Variants in PHC2 observed in about 807,000 individuals in gnomAD.
PHC2 encodes the protein polyhomeotic-like protein 2.
In PHC2, 29 loss-of-function variants were observed where a neutral mutation model predicts 87.4. That is an observed-to-expected ratio of 0.33 (90% CI 0.25 to 0.45). The LOEUF (loss-of-function observed/expected upper bound fraction) is 0.45. PHC2 is among the 20% of genes least tolerant of loss of function. The probability of loss-of-function intolerance (pLI) is 1.00; values close to 1 mark genes in which losing one functional copy is unlikely to be tolerated. For missense variants in PHC2, 857 were observed against 1,136.7 expected, an observed-to-expected ratio of 0.75 and a Z score of 3.54; for synonymous variants, 438 against 461.7, an observed-to-expected ratio of 0.95 and a Z score of 0.66.
intron 9 of PHC2, among the ~76,000 whole-genome samples, chr1:33,342,519 T>TCCCCCCCCCCCCCCCCCTCC (rs1646763410): frequency 9.1e-6 from 1 of 110,490 alleles, no homozygotes; most frequent in Non-Finnish European, 1.9e-5. Context: ...ACAGCCACCC[T>TCCCCCCCCCCCCCCCCCTCC]CCCCCCACCC....
chr1:33,424,334 T>C (rs1283000630), intron 1 of PHC2, among the ~76,000 whole-genome samples: 1 of 152,166 alleles, frequency 6.6e-6, no homozygotes, highest in Non-Finnish European at 1.5e-5. Flanking sequence ...TACCCATGGT[T>C]TCTACATCTT....
intron 1 of PHC2, among the ~76,000 whole-genome samples, chr1:33,424,920 G>C (rs990544167): frequency 4.6e-5 from 7 of 152,206 alleles, no homozygotes; most frequent in Non-Finnish European, 7.3e-5. Context: ...TGGGTGATCA[G>C]AGGTCAGGAC....
chr1:33,371,206 G>A, intron 3 of PHC2, 112 bp from the exon 4 acceptor site: 2 of 839,340 alleles, frequency 2.4e-6, no homozygotes, highest in Non-Finnish European at 4.0e-6. Flanking sequence ...AACAGCCTCT[G>A]GAGGTCAGCC....
chr1:33,386,663 TA>T (rs1648769632), intron 1 of PHC2, among the ~76,000 whole-genome samples: 1 of 152,052 alleles, frequency 6.6e-6, no homozygotes, highest in African/African-American at 2.4e-5. Flanking sequence ...GACCTCATCT[TA>T]AAAACAAAAT....
chr1:33,334,426 C>G lies in PHC2; in HGVS notation c.1559-134G>C. 2 of 719,908 alleles carry G rather than the reference C, an allele frequency of 2.8e-6. No individual in the cohort carries two copies. The highest frequency in any genetic ancestry group is 4.7e-6 in the Non-Finnish European group (2 of 427,950). The allele number at this position is 719,908 out of a possible 1,614,324, so 44.6% of individuals were successfully genotyped here. A position where few individuals can be genotyped will look rare whatever the true frequency, so the allele number is the denominator to read the frequency against. ...AAGCGACAATGCAAACCAAGCAGTCCCCTCCCCTCAGTGACCCATTTAAAA... is the reference window on the plus strand; with the variant it reads ...AAGCGACAATGCAAACCAAGCAGTCGCCTCCCCTCAGTGACCCATTTAAAA... On this transcript the variant is annotated intron_variant, in intron 9 of 14. Transcript: ENST00000683057. This position sits in a 1 kb window ranked among gnomAD's most constrained non-coding sequence, Gnocchi z 5.5.
At chr1:33,356,291 A>ATATATATATATT (rs1553185712) in intron 7 of PHC2, among the ~76,000 whole-genome samples, 2 of 139,592 alleles carry the variant, frequency 1.4e-5, no homozygotes, top group African/African-American at 5.4e-5. Flanking sequence ...ATATATATAT[A>ATATATATATATT]TATTTATTTA....
chr1:33,388,298 A>C (rs551235427), intron 1 of PHC2, among the ~76,000 whole-genome samples: 1 of 151,790 alleles, frequency 6.6e-6, no homozygotes, highest in African/African-American at 2.4e-5. Flanking sequence ...CTCATCTGGG[A>C]AACAGTGCTA....
chr1:33,424,084 C>T (rs1358688564), intron 1 of PHC2, among the ~76,000 whole-genome samples: 8 of 131,904 alleles, frequency 6.1e-5, no homozygotes, highest in African/African-American at 1.7e-4. Context: ...GTCGACAGAA[C>T]GAGACTCCGT....
At chr1:33,346,522 T>C (rs559849510) in intron 9 of PHC2, 1 of 985,408 alleles carries the variant, frequency 1.0e-6, no homozygotes, top group Non-Finnish European at 1.2e-6. Context: ...GGAGATTAAA[T>C]ATTGAACAGC....
At chr1:33,430,423 G>A (rs1019251445) in intron 1 of PHC2, among the ~76,000 whole-genome samples, 9 of 152,170 alleles carry the variant, frequency 5.9e-5, no homozygotes, top group African/African-American at 2.2e-4. Flanking sequence ...ACTCTGGGCC[G>A]AAAGTGCCAG....
In PHC2 at chr1:33,371,112, CCT is replaced by C; in HGVS notation, c.334-20_334-19del. 1.2e-6 allele frequency: 2 copies of C among 1,608,638 alleles called. No individual in the cohort carries two copies. The highest frequency in any genetic ancestry group is 2.2e-5 in the South Asian group (2 of 90,952). On this transcript the variant is annotated intron_variant, in intron 3 of 14. Coordinates refer to ENST00000683057, the MANE Select transcript of PHC2 (RefSeq NM_001385109.1). ...AGGCTTGCCTAGGAAAGAACAAACT[CCT>C]CTTGCTAGAGTCCCAGACCTCCCCC...
chr1:33,329,968 T>C, intron 13 of PHC2, 103 bp downstream of exon 13: 1 of 1,258,220 alleles, frequency 7.9e-7, no homozygotes, highest in South Asian at 1.3e-5. Context: ...CACAGCAGAG[T>C]GCGCTGAAGT....
At chr1:33,343,141 A>G (rs574560884) in intron 9 of PHC2, among the ~76,000 whole-genome samples, 3 of 152,290 alleles carry the variant, frequency 2.0e-5, no homozygotes, top group Admixed American at 6.5e-5. Flanking sequence ...AAGCTGTGCT[A>G]CATGGCAGTT....
intron 13 of PHC2, 73 bp from the exon 14 acceptor site, chr1:33,329,219 T>C (rs1646436580): frequency 1.4e-6 from 2 of 1,480,014 alleles, no homozygotes; most frequent in South Asian, 1.2e-5. Context: ...AAAGGAGGTA[T>C]TTCTCCTTTT....
chr1:33,412,530 G>C (rs1004214378), intron 1 of PHC2, among the ~76,000 whole-genome samples: 1 of 152,172 alleles, frequency 6.6e-6, no homozygotes, highest in Non-Finnish European at 1.5e-5. Context: ...TCCTCATTCT[G>C]TATATAGAAA....
chr1:33,371,792 T>C lies in PHC2; in HGVS notation c.333+497A>G, dbSNP rs112491301. On this transcript the variant is annotated intron_variant, in intron 3 of 14. Coordinates refer to ENST00000683057, the MANE Select transcript of PHC2 (RefSeq NM_001385109.1). ...TTCCTTGGCTATTCTGGTTCCTGTT[T>C]ACTTGCTGTCTCCTATTGTAAGTGC... Among the ~76,000 whole-genome samples, 668 of 152,364 alleles carry C rather than the reference T, an allele frequency of 4.4e-3. 9 individuals carry two copies. Among genetic ancestry groups the C allele is most frequent in the African/African-American group, 0.015 (616 of 41,592 alleles).
chr1:33,392,167 G>GCACA (rs145325204), intron 1 of PHC2, among the ~76,000 whole-genome samples: 19,953 of 150,262 alleles, frequency 0.13, 1,496 homozygotes, highest in South Asian at 0.2. Flanking sequence ...ACACATACGT[G>GCACA]CACACACACA....
At chr1:33,360,042 A>G (rs1471386580) in intron 7 of PHC2, among the ~76,000 whole-genome samples, 6 of 152,238 alleles carry the variant, frequency 3.9e-5, no homozygotes, top group Non-Finnish European at 8.8e-5. Flanking sequence ...CTGCATACAC[A>G]AGAATAGACA....
At chr1:33,339,501 G>A (rs1420396858) in intron 9 of PHC2, among the ~76,000 whole-genome samples, 2 of 152,070 alleles carry the variant, frequency 1.3e-5, no homozygotes, top group African/African-American at 2.4e-5. Context: ...CAGAAAAGAG[G>A]TACAGGTGGA....
Sources: gnomAD v4.1 joint callset for allele counts (sites outside exome capture counted in the v4.1 genomes callset) on GRCh38, gnomAD v4.1.1 for gene constraint, Gnocchi (gnomAD v3.1) non-coding constraint, MANE v1.5 for transcripts, NCBI Gene and HGNC (gene_info 2026-07-23, HGNC 2026-07-21) for gene names.